The following POU6F2 variants were observed in gnomAD, a reference collection of about 807,000 sequenced individuals.
The protein encoded by POU6F2 is POU class 6 homeobox 2, also known as POU domain, class 6, transcription factor 2.
A neutral mutation model predicts 71.3 loss-of-function variants in POU6F2; 31 were observed. The observed-to-expected ratio is 0.43, with a 90% CI of 0.33 to 0.59. The LOEUF (loss-of-function observed/expected upper bound fraction) is 0.59. Among genes scored for constraint, POU6F2 ranks in the 20% least tolerant of loss-of-function variants. The pLI is 0.04. For synonymous variants in POU6F2, 347 were observed against 355.7 expected (o/e 0.98, Z 0.27); for missense variants, 783 against 856.8 (o/e 0.91, Z 1.07).
chr7:39,402,120 T>C (rs555699380), intron 5 of POU6F2, among the ~76,000 whole-genome samples: 14 of 152,352 alleles, frequency 9.2e-5, no homozygotes, highest in Admixed American at 9.1e-4. Context: ...ATACAAACTA[T>C]GCATCTTTCA....
At chr7:39,319,115 AG>A (rs1394133837) in intron 4 of POU6F2, among the ~76,000 whole-genome samples, 3 of 152,178 alleles carry the variant, frequency 2.0e-5, no homozygotes, top group Admixed American at 6.5e-5. Context: ...CTGGTGACAA[AG>A]GGAGACCCTG....
intron 6 of POU6F2, among the ~76,000 whole-genome samples, chr7:39,432,467 T>C (rs1726648948): frequency 6.6e-6 from 1 of 152,120 alleles, no homozygotes; most frequent in Non-Finnish European, 1.5e-5. Context: ...CCACAGTCAG[T>C]AAGTGGCACA....
chr7:39,056,662 C>CTGTGTGTGTGTGTGTGTGTG (rs749810621), intron 1 of POU6F2, among the ~76,000 whole-genome samples: 1 of 113,330 alleles, frequency 8.8e-6, no homozygotes, highest in Non-Finnish European at 1.8e-5. Context: ...CTCTCTCTCT[C>CTGTGTGTGTGTGTGTGTGTG]TGTGTGTGTG....
chr7:39,073,600 A>G (rs1335430695), intron 1 of POU6F2, among the ~76,000 whole-genome samples: 1 of 152,150 alleles, frequency 6.6e-6, no homozygotes, highest in Non-Finnish European at 1.5e-5. Context: ...ATTAAAGGAG[A>G]GTGGATTACA....
chr7:39,310,952 T>A (rs2128766921), intron 4 of POU6F2, among the ~76,000 whole-genome samples: 1 of 152,250 alleles, frequency 6.6e-6, no homozygotes, highest in Non-Finnish European at 1.5e-5. Flanking sequence ...CCGACTTCCT[T>A]TGTTTCCAGT....
chr7:39,212,196 T>A (rs1243053704), intron 4 of POU6F2, among the ~76,000 whole-genome samples: 2 of 152,176 alleles, frequency 1.3e-5, no homozygotes, highest in African/African-American at 4.8e-5. Flanking sequence ...TGATGTGGTA[T>A]GGAACATGGA....
intron 4 of POU6F2, among the ~76,000 whole-genome samples, chr7:39,326,584 C>G (rs185050767): frequency 1.4e-4 from 22 of 152,348 alleles, no homozygotes; most frequent in Admixed American, 2.6e-4. Flanking sequence ...AATGCCCACT[C>G]AAACCCTAGG....
chr7:39,177,217 A>G (rs983945258), intron 2 of POU6F2, among the ~76,000 whole-genome samples: 2 of 152,112 alleles, frequency 1.3e-5, no homozygotes, highest in African/African-American at 4.8e-5. Flanking sequence ...CCTTGCCTCC[A>G]CCCTCCTTTT....
intron 7 of POU6F2, among the ~76,000 whole-genome samples, chr7:39,440,988 G>A (rs1215248360): frequency 1.3e-5 from 2 of 151,996 alleles, no homozygotes; most frequent in African/African-American, 2.4e-5. Flanking sequence ...GTTCACTTCA[G>A]GCCCTACTCA....
chr7:39,035,953 A>G (rs1790053354), intron 1 of POU6F2, among the ~76,000 whole-genome samples: 1 of 152,034 alleles, frequency 6.6e-6, no homozygotes, highest in African/African-American at 2.4e-5. Context: ...AATTGAGTAT[A>G]TTTGTAATAA....
intron 4 of POU6F2, among the ~76,000 whole-genome samples, chr7:39,283,886 C>T (rs1784607847): frequency 6.6e-6 from 1 of 152,144 alleles, no homozygotes; most frequent in South Asian, 2.1e-4. Context: ...AAGTGTGACA[C>T]GTGCATTATT....
chr7:39,092,832 G>A (rs1192867547), intron 2 of POU6F2, among the ~76,000 whole-genome samples: 1 of 152,158 alleles, frequency 6.6e-6, no homozygotes, highest in Non-Finnish European at 1.5e-5. Flanking sequence ...GAATGCAGAG[G>A]TCAGAAAGAA....
At chr7:39,267,343 C>G (rs1267068938) in intron 4 of POU6F2, among the ~76,000 whole-genome samples, 1 of 152,090 alleles carries the variant, frequency 6.6e-6, no homozygotes, top group Admixed American at 6.6e-5. Flanking sequence ...TTTGAGCACC[C>G]CTTATTTTCA....
intron 4 of POU6F2, among the ~76,000 whole-genome samples, chr7:39,268,467 T>C (rs962807244): frequency 6.6e-6 from 1 of 152,124 alleles, no homozygotes; most frequent in African/African-American, 2.4e-5. Context: ...AGTGGCTTTT[T>C]TTAAGCGGAG....
chr7:39,323,112 A>T lies in POU6F2; in HGVS notation c.599-16530A>T, dbSNP rs572939251. On this transcript the variant is annotated intron_variant, in intron 4 of 9. Coordinates refer to ENST00000518318, the MANE Select transcript of POU6F2 (RefSeq NM_001370959.1). ...GCTGAGAGAGAAGACAGGAAGATTT[A>T]AAAAAAAAAAAAAAGTCCTGCATAA... is the stretch of plus-strand genomic sequence containing the variant. Among the ~76,000 whole-genome samples the T allele has an allele frequency of 3.1e-4, 33 of 108,006 alleles. No homozygotes were observed. In the South Asian group the frequency reaches 5.7e-3, roughly 19 times the overall value. The allele number at this position is 108,006 out of a possible 152,430, so 70.9% of individuals were successfully genotyped here. A position where few individuals can be genotyped will look rare whatever the true frequency, so the allele number is the denominator to read the frequency against.
At position 39,317,368 on chromosome 7, in the gene POU6F2, T is replaced by C. The variant is rs529934156; in HGVS notation, c.599-22274T>C. ...GTCCTTTCTAAAGTGGATCCCTCTT[T>C]CATAGTCCACGTTGGCTTGGAAGTC... On this transcript the variant is annotated intron_variant, in intron 4 of 9. Transcript: ENST00000518318. 6.3e-4 allele frequency among the ~76,000 whole-genome samples: 96 copies of C among 152,328 alleles called. No individual in the cohort carries two copies. In the South Asian group the frequency reaches 0.019, roughly 30 times the overall value.
intron 1 of POU6F2, among the ~76,000 whole-genome samples, chr7:39,025,448 A>C (rs1789778471): frequency 6.6e-6 from 1 of 152,182 alleles, no homozygotes; most frequent in Admixed American, 6.5e-5. Flanking sequence ...AAAGCCGCAT[A>C]TCTACAACTA....
intron 4 of POU6F2, among the ~76,000 whole-genome samples, chr7:39,316,715 A>G (rs1426881660): frequency 6.6e-6 from 1 of 152,200 alleles, no homozygotes; most frequent in Non-Finnish European, 1.5e-5. Flanking sequence ...TCCTAAATGG[A>G]TCTTCAGACT....
At chr7:39,313,108 T>C (rs1000666277) in intron 4 of POU6F2, among the ~76,000 whole-genome samples, 1 of 152,106 alleles carries the variant, frequency 6.6e-6, no homozygotes, top group African/African-American at 2.4e-5. Flanking sequence ...GAAAGTTCTT[T>C]CCATGGTTTA....
Sources: gnomAD v4.1 joint callset for allele counts (sites outside exome capture counted in the v4.1 genomes callset) on GRCh38, gnomAD v4.1.1 for gene constraint, MANE v1.5 for transcripts, NCBI Gene and HGNC (gene_info 2026-07-23, HGNC 2026-07-21) for gene names.